P2RY14: variants seen among roughly 807,000 people sequenced by gnomAD.
P2RY14 encodes P2Y purinoceptor 14.
A neutral mutation model predicts 0.9 loss-of-function variants in P2RY14; 2 were observed. The observed-to-expected ratio is 2.16, with a 90% CI of 0.88 to 6.79. The LOEUF (loss-of-function observed/expected upper bound fraction) is 6.79, where lower values mean the gene tolerates loss of function less well. P2RY14 is among the 30% of genes most tolerant of loss of function. The pLI, the probability that P2RY14 is intolerant of heterozygous loss-of-function variation, is 0.05. For missense variants in P2RY14, 378 were observed against 400.1 expected (o/e 0.94, Z 0.47); for synonymous variants, 158 against 147.2 (o/e 1.07, Z -0.53).
At chr3:151,261,974 G>A (rs900424289) in intron 1 of P2RY14, among the ~76,000 whole-genome samples, 1 of 152,072 alleles carries the variant, frequency 6.6e-6, no homozygotes, top group African/African-American at 2.4e-5. Context: ...TGATTGACCC[G>A]CCTCGGCCTC....
intron 1 of P2RY14, among the ~76,000 whole-genome samples, chr3:151,234,716 C>T (rs926383089): frequency 7.9e-5 from 12 of 152,210 alleles, no homozygotes; most frequent in African/African-American, 2.9e-4. Context: ...AATATCCAAC[C>T]TGTATGTTCT....
intron 1 of P2RY14, among the ~76,000 whole-genome samples, chr3:151,230,819 A>G (rs1013135344): frequency 6.6e-6 from 1 of 152,196 alleles, no homozygotes; most frequent in Admixed American, 6.5e-5. Context: ...CCCCCTGCCA[A>G]TGCAGAAGTA....
At chr3:151,244,185 A>G (rs1320001064) in intron 1 of P2RY14, among the ~76,000 whole-genome samples, 1 of 136,642 alleles carries the variant, frequency 7.3e-6, no homozygotes, top group Non-Finnish European at 1.6e-5. Context: ...TTAACATCCC[A>G]CTGTCAACAT....
rs1727410410 is a variant in P2RY14, at chr3:151,212,905, A to C, written c.*395T>G. On this transcript the variant is annotated 3_prime_UTR_variant, in exon 3 of 3. Transcript: ENST00000309170. ...TAAGGACAGTGTTGAAAACAATTAC[A>C]TACTAGATTCTGGTATTTAGAGAAA... The C allele has an allele frequency of 2.6e-5, 4 of 153,788 alleles. No homozygotes were observed. In the Admixed American group the frequency reaches 2.6e-4, roughly 10 times the overall value. 9.5% of individuals were successfully genotyped at this position (153,788 alleles called of 1,614,324 possible).
At chr3:151,241,664 C>G (rs1454850114) in intron 1 of P2RY14, 1 of 152,020 alleles carries the variant, frequency 6.6e-6, no homozygotes, top group Non-Finnish European at 1.5e-5. Flanking sequence ...TATGTATATA[C>G]ACACATATAT....
chr3:151,213,539 G>C lies in P2RY14; in HGVS notation c.778C>G (p.Gln260Glu), dbSNP rs187659532. 6.2e-7 allele frequency: 1 copy of C among 1,614,168 alleles called. No individual in the cohort carries two copies. The highest frequency in any genetic ancestry group is 2.2e-5 in the East Asian group (1 of 44,876). Residue 260 changes from glutamine (Q) to glutamate (E), a missense_variant, in exon 3 of 3, where the codon CAG becomes GAG. Coordinates refer to ENST00000309170, the MANE Select transcript of P2RY14 (RefSeq NM_014879.4). Reference sequence around the variant, plus strand: ...TGGCAGCTGTAATGAGCTTCGGTCTGACTCTTTGTGTAGGGGATTCTGGCA... The same window carrying C: ...TGGCAGCTGTAATGAGCTTCGGTCTCACTCTTTGTGTAGGGGATTCTGGCA... The part of the protein sequence containing the change: ...HIARIPYTKS[Q>E]TEAHYSCQSK...
At chr3:151,239,065 C>T (rs1210279426) in intron 1 of P2RY14, among the ~76,000 whole-genome samples, 3 of 152,264 alleles carry the variant, frequency 2.0e-5, no homozygotes, top group East Asian at 1.9e-4. Context: ...TTGTGAGTTT[C>T]GTAGCTTTCC....
chr3:151,243,138 G>C (rs1198508537), intron 1 of P2RY14, among the ~76,000 whole-genome samples: 1 of 152,090 alleles, frequency 6.6e-6, no homozygotes, highest in Non-Finnish European at 1.5e-5. Flanking sequence ...ATCTATGTCT[G>C]CTTGGTGTAC....
chr3:151,217,844 C>G (rs151321651), intron 2 of P2RY14, among the ~76,000 whole-genome samples: 2 of 152,204 alleles, frequency 1.3e-5, no homozygotes, highest in African/African-American at 4.8e-5. Flanking sequence ...GTTCAAGTGT[C>G]TTAGAGCATG....
At chr3:151,235,497 A>G (rs1732556122) in intron 1 of P2RY14, among the ~76,000 whole-genome samples, 1 of 152,124 alleles carries the variant, frequency 6.6e-6, no homozygotes, top group Non-Finnish European at 1.5e-5. Context: ...TGAGGTCAGG[A>G]GATCGAGACC....
intron 1 of P2RY14, among the ~76,000 whole-genome samples, chr3:151,258,939 C>T (rs1738350954): frequency 1.3e-5 from 2 of 151,362 alleles, no homozygotes; most frequent in Non-Finnish European, 2.9e-5. Context: ...GTTGTGTGTG[C>T]TGTTAGCCTC....
At chr3:151,218,301 G>C (rs1056002542) in intron 2 of P2RY14, among the ~76,000 whole-genome samples, 7 of 152,170 alleles carry the variant, frequency 4.6e-5, no homozygotes, top group Non-Finnish European at 8.8e-5. Context: ...AAAGAGGAGA[G>C]ATAGGCAACA....
intron 1 of P2RY14, among the ~76,000 whole-genome samples, chr3:151,267,424 GT>G (rs1740048840): frequency 6.6e-6 from 1 of 152,066 alleles, no homozygotes; most frequent in Admixed American, 6.6e-5. Flanking sequence ...AAGGTTATAT[GT>G]TACTTTCTCT....
At chr3:151,256,010 AT>A (rs1481608217) in intron 1 of P2RY14, among the ~76,000 whole-genome samples, 1 of 152,202 alleles carries the variant, frequency 6.6e-6, no homozygotes, top group African/African-American at 2.4e-5. Context: ...TCTTTTTACT[AT>A]GACAGGCTAA....
chr3:151,262,828 C>G (rs1739150016), intron 1 of P2RY14, among the ~76,000 whole-genome samples: 1 of 152,048 alleles, frequency 6.6e-6, no homozygotes, highest in South Asian at 2.1e-4. Context: ...CTCATTAAAA[C>G]CTGATAGCTT....
At chr3:151,223,739 G>A (rs1170270533) in intron 1 of P2RY14, among the ~76,000 whole-genome samples, 2 of 152,198 alleles carry the variant, frequency 1.3e-5, no homozygotes, top group Admixed American at 6.5e-5. Flanking sequence ...CTTGGGTTTT[G>A]TGTTCACTAT....
intron 1 of P2RY14, among the ~76,000 whole-genome samples, chr3:151,254,182 T>C (rs368780927): frequency 6.6e-6 from 1 of 152,344 alleles, no homozygotes; most frequent in South Asian, 2.1e-4. Flanking sequence ...GTATTTCTTA[T>C]GTAACTGGAG....
intron 1 of P2RY14, among the ~76,000 whole-genome samples, chr3:151,265,421 A>G (rs1739652443): frequency 6.6e-6 from 1 of 152,132 alleles, no homozygotes; most frequent in African/African-American, 2.4e-5. Context: ...TTTTTTGAGT[A>G]TCATTATCTT....
At chr3:151,241,513 A>G (rs1348181362) in intron 1 of P2RY14, among the ~76,000 whole-genome samples, 6 of 152,142 alleles carry the variant, frequency 3.9e-5, no homozygotes, top group Non-Finnish European at 8.8e-5. Flanking sequence ...AATGGATGGG[A>G]CTGATGGACT....
Sources: allele counts gnomAD v4.1 joint callset (sites outside exome capture counted in the v4.1 genomes callset), GRCh38; gene constraint gnomAD v4.1.1; transcripts MANE v1.5; gene names NCBI Gene and HGNC (gene_info 2026-07-23, HGNC 2026-07-21).